Variants in WDR27 observed in about 807,000 individuals in gnomAD.
The protein encoded by WDR27 is WD repeat domain 27.
A neutral mutation model predicts 114.4 loss-of-function variants in WDR27; 100 were observed. That is an observed-to-expected ratio of 0.87 (90% CI 0.74 to 1.03). WDR27 has a LOEUF of 1.03. Ranked by LOEUF, WDR27 falls within the 50% of genes least tolerant of loss-of-function variation. The pLI is 0.00. For synonymous variants in WDR27, 449 were observed against 423.1 expected (o/e 1.06, Z -0.75); for missense variants, 1,129 against 1,092.9 (o/e 1.03, Z -0.47).
At chr6:169,515,520 T>A (rs2128056223) in intron 25 of WDR27, among the ~76,000 whole-genome samples, 1 of 152,280 alleles carries the variant, frequency 6.6e-6, no homozygotes, top group Non-Finnish European at 1.5e-5. Flanking sequence ...AATGTCAGAA[T>A]TAGATGTCAA....
At chr6:169,458,703 C>A (rs1359838465) in intron 25 of WDR27, among the ~76,000 whole-genome samples, 1 of 151,634 alleles carries the variant, frequency 6.6e-6, no homozygotes, top group Non-Finnish European at 1.5e-5. Context: ...ATGAGACTTT[C>A]TTGAACCCAG....
At chr6:169,646,974 G>A (rs1483258941) in intron 16 of WDR27, among the ~76,000 whole-genome samples, 2 of 152,136 alleles carry the variant, frequency 1.3e-5, no homozygotes, top group Admixed American at 6.5e-5. Context: ...ACCCTTAGGC[G>A]ACTCAACCCT....
intron 17 of WDR27, among the ~76,000 whole-genome samples, chr6:169,642,930 T>C (rs1196710787): frequency 6.6e-6 from 1 of 152,230 alleles, no homozygotes; most frequent in African/African-American, 2.4e-5. Flanking sequence ...TTTGGAGTAT[T>C]TGCATTATGG....
chr6:169,571,251 GA>G (rs1801365214), intron 25 of WDR27, among the ~76,000 whole-genome samples: 1 of 123,690 alleles, frequency 8.1e-6, no homozygotes, highest in South Asian at 2.9e-4. Context: ...ACCTTAGTCA[GA>G]AAAAAATTAA....
intron 25 of WDR27, among the ~76,000 whole-genome samples, chr6:169,566,059 T>C (rs1319111666): frequency 6.6e-6 from 1 of 152,038 alleles, no homozygotes; most frequent in African/African-American, 2.4e-5. Context: ...AGATCAATTA[T>C]GTAAGAAATA....
intron 13 of WDR27, among the ~76,000 whole-genome samples, chr6:169,655,893 C>G (rs899842108): frequency 6.6e-6 from 1 of 152,008 alleles, no homozygotes; most frequent in Non-Finnish European, 1.5e-5. Context: ...GCTAATTTTT[C>G]TTGTATTTTT....
At chr6:169,447,697 C>T in the WDR27 span, among the ~76,000 whole-genome samples, 1 of 152,180 alleles carries the variant, frequency 6.6e-6, no homozygotes, top group East Asian at 1.9e-4. Context: ...CCATCAATCT[C>T]ATTTGTCTCA....
At chr6:169,570,162 C>A (rs965673106) in intron 25 of WDR27, among the ~76,000 whole-genome samples, 3 of 152,192 alleles carry the variant, frequency 2.0e-5, no homozygotes, top group Non-Finnish European at 4.4e-5. Context: ...CCCACCACAA[C>A]ACTCATGGCC....
intron 24 of WDR27, 60 bp downstream of exon 24, chr6:169,582,776 A>G (rs1803718039): frequency 7.3e-7 from 1 of 1,366,390 alleles, no homozygotes; most frequent in African/African-American, 1.5e-5. Context: ...TAAAGATACA[A>G]AAATATAATG....
At chr6:169,435,906 C>T in the WDR27 span, among the ~76,000 whole-genome samples, 87,812 of 152,122 alleles carry the variant, frequency 0.58, 28,020 homozygotes, top group East Asian at 0.98. Context: ...GGTTTGGCTG[C>T]GTCTATCTCA....
chr6:169,643,481 A>G (rs1236395711), intron 17 of WDR27, among the ~76,000 whole-genome samples: 1 of 152,254 alleles, frequency 6.6e-6, no homozygotes, highest in Non-Finnish European at 1.5e-5. Flanking sequence ...CTCCAGGGCA[A>G]CAGCCACGAA....
At chr6:169,679,106 T>C (rs1316530508) in intron 2 of WDR27, among the ~76,000 whole-genome samples, 1 of 152,340 alleles carries the variant, frequency 6.6e-6, no homozygotes, top group East Asian at 1.9e-4. Context: ...AATTTACCTA[T>C]AGCCTGGAAG....
In WDR27 at chr6:169,643,766, A is replaced by G; in HGVS notation, c.1678T>C (p.Cys560Arg). 2 of 1,613,386 alleles carry G rather than the reference A, an allele frequency of 1.2e-6. No individual in the cohort carries two copies. The highest frequency in any genetic ancestry group is 2.7e-5 in the African/African-American group (2 of 75,052). The change falls in exon 17 of 26, where the codon TGT becomes CGT. Residue 560 changes from cysteine (C) to arginine (R), a missense_variant. Transcript: ENST00000448612. Reference sequence around the variant, plus strand: ...AGTAACAGATGGTTGGCCAACCCACAGGCCAGCCACTGCCCATCTCCTGTT... The same window carrying G: ...AGTAACAGATGGTTGGCCAACCCACGGGCCAGCCACTGCCCATCTCCTGTT... The part of the protein sequence containing the change: ...QYSGDGQWLA[C>R]GLANHLLLVF...
At chr6:169,625,589 G>A (rs1265854523) in intron 21 of WDR27, among the ~76,000 whole-genome samples, 1 of 152,252 alleles carries the variant, frequency 6.6e-6, no homozygotes, top group Non-Finnish European at 1.5e-5. Context: ...GGTCAGTCCT[G>A]TGTCTCAGAG....
chr6:169,508,952 C>A (rs1239473848), intron 25 of WDR27, among the ~76,000 whole-genome samples: 2 of 152,166 alleles, frequency 1.3e-5, no homozygotes, highest in African/African-American at 4.8e-5. Flanking sequence ...GGCTCCATAG[C>A]AGTCAGGTTT....
At position 169,647,828 on chromosome 6, in the gene WDR27, G is replaced by A; in HGVS notation, c.1602C>T (p.Gly534=). The A allele has an allele frequency of 1.9e-6, 3 of 1,583,444 alleles. No homozygotes were observed. The highest frequency in any genetic ancestry group is 2.7e-5 in the African/African-American group (2 of 74,378). ...AGGTGGGGGCGGCAGCGACCTGGGGGCCGGGCTTGGTGGGCACAGCGCACT... is the reference window on the plus strand; with the variant it reads ...AGGTGGGGGCGGCAGCGACCTGGGGACCGGGCTTGGTGGGCACAGCGCACT... The part of the protein sequence containing the change: ...PVECAVPTKP[G]PQVAAAPTCT... Residue 534 remains glycine, a synonymous_variant, in exon 16 of 26, where the codon GGC becomes GGT. Coordinates refer to ENST00000448612, the MANE Select transcript of WDR27 (RefSeq NM_182552.5).
At chr6:169,513,194 A>G (rs1281247286) in intron 25 of WDR27, among the ~76,000 whole-genome samples, 2 of 152,152 alleles carry the variant, frequency 1.3e-5, no homozygotes, top group Admixed American at 1.3e-4. Flanking sequence ...GGGGGCACCT[A>G]GACAGTCTCC....
intron 25 of WDR27, among the ~76,000 whole-genome samples, chr6:169,512,860 C>G (rs115391581): frequency 8.5e-5 from 13 of 152,198 alleles, no homozygotes; most frequent in African/African-American, 2.9e-4. Context: ...AAAAGAAAAT[C>G]TGTGAAGATA....
Position 169,480,473 on chromosome 6 carries a change from C to T in WDR27, c.2646-22839G>A, listed in dbSNP as rs116952910. 3.8e-3 allele frequency among the ~76,000 whole-genome samples: 579 copies of T among 152,338 alleles called. 1 individual carries two copies. The highest frequency in any genetic ancestry group is 6.8e-3 in the Non-Finnish European group (463 of 68,032). ...GTCAGCTCTGCCTAAGGCCCCAGAG[C>T]GGGATCCACTAGGCGAAGCCAGCTG... On this transcript the variant is annotated intron_variant, in intron 25 of 25. Coordinates refer to ENST00000448612, the MANE Select transcript of WDR27 (RefSeq NM_182552.5).
Sources: allele counts gnomAD v4.1 joint callset (sites outside exome capture counted in the v4.1 genomes callset), GRCh38; gene constraint gnomAD v4.1.1; transcripts MANE v1.5; gene names NCBI Gene and HGNC (gene_info 2026-07-23, HGNC 2026-07-21).